The following KLHDC10 variants were observed in gnomAD, a reference collection of about 807,000 sequenced individuals.
KLHDC10 encodes kelch domain-containing protein 10.
KLHDC10 carries 24 observed loss-of-function variants against 56.1 expected under a neutral mutation model. The observed-to-expected ratio is 0.43, with a 90% CI of 0.31 to 0.60. The LOEUF is 0.60. Among genes scored for constraint, KLHDC10 ranks in the 20% least tolerant of loss-of-function variants. The pLI is 0.11. For synonymous variants in KLHDC10, 188 were observed against 207.1 expected (o/e 0.91, Z 0.79); for missense variants, 349 against 567.0 (o/e 0.62, Z 3.91).
intron 1 of KLHDC10, 151 bp from the exon 2 acceptor site, chr7:130,096,770 A>C: frequency 2.0e-6 from 1 of 491,976 alleles, no homozygotes; most frequent in South Asian, 5.1e-5. Context: ...TTGACTTCCA[A>C]AACAGGGTTA....
At chr7:130,081,004 T>C (rs1795597093) in intron 1 of KLHDC10, among the ~76,000 whole-genome samples, 1 of 148,004 alleles carries the variant, frequency 6.8e-6, no homozygotes, top group Non-Finnish European at 1.5e-5. Flanking sequence ...GTTTTCTTTT[T>C]TTTTTTTTTT....
In KLHDC10 at chr7:130,121,210, AC is replaced by A. The variant is rs1796244235; in HGVS notation, c.630+313del. 1.3e-5 allele frequency among the ~76,000 whole-genome samples: 2 copies of A among 149,580 alleles called. 1 individual carries two copies. Among genetic ancestry groups the A allele is most frequent in the South Asian group, 4.3e-4 (2 of 4,690 alleles). Reference sequence around the variant, plus strand: ...GAACCCCACCTCCACCTCTACCCTCACCCCCCGTGAGAGATTGGGCTTCACT... The same window carrying A: ...GAACCCCACCTCCACCTCTACCCTCACCCCCGTGAGAGATTGGGCTTCACT... On this transcript the variant is annotated intron_variant, in intron 4 of 9. Coordinates refer to ENST00000335420, the MANE Select transcript of KLHDC10 (RefSeq NM_014997.4).
At chr7:130,125,178 A>G (rs933727072) in intron 6 of KLHDC10, among the ~76,000 whole-genome samples, 7 of 152,240 alleles carry the variant, frequency 4.6e-5, no homozygotes, top group Non-Finnish European at 1.0e-4. Context: ...AACAACATAT[A>G]GAAGAAAATC....
intron 6 of KLHDC10, among the ~76,000 whole-genome samples, 185 bp from the exon 7 acceptor site, chr7:130,125,680 T>C (rs1796306387): frequency 6.6e-6 from 1 of 152,236 alleles, no homozygotes; most frequent in Non-Finnish European, 1.5e-5. Flanking sequence ...AATATATGTT[T>C]ACGCAGGCTG....
At chr7:130,074,878 G>C (rs1483385150) in intron 1 of KLHDC10, among the ~76,000 whole-genome samples, 2 of 152,080 alleles carry the variant, frequency 1.3e-5, no homozygotes, top group South Asian at 2.1e-4. Flanking sequence ...TAAAGTGTTG[G>C]GATTACAGGC....
chr7:130,126,099 T>C (rs1373718469), intron 7 of KLHDC10, among the ~76,000 whole-genome samples, 168 bp downstream of exon 7: 1 of 151,680 alleles, frequency 6.6e-6, no homozygotes, highest in Non-Finnish European at 1.5e-5. Flanking sequence ...GGCCAAGGCT[T>C]GAGCCCAGGA....
intron 2 of KLHDC10, among the ~76,000 whole-genome samples, chr7:130,103,575 C>T (rs1423622352): frequency 3.9e-5 from 6 of 152,128 alleles, no homozygotes; most frequent in South Asian, 2.1e-4. Flanking sequence ...AAACAAGTTA[C>T]ATAGACTCAA....
chr7:130,112,834 A>G (rs1185879672), intron 2 of KLHDC10, among the ~76,000 whole-genome samples: 1 of 152,192 alleles, frequency 6.6e-6, no homozygotes, highest in Non-Finnish European at 1.5e-5. Context: ...AATATTTATC[A>G]AATATTGATT....
intron 1 of KLHDC10, among the ~76,000 whole-genome samples, chr7:130,081,553 A>G (rs1379483293): frequency 6.9e-6 from 1 of 144,860 alleles, no homozygotes; most frequent in African/African-American, 2.6e-5. Flanking sequence ...TCCTGAGCTC[A>G]GGCAGTCCAC....
chr7:130,101,969 TAAAAAAAAAAAAA>T (rs10579051), intron 2 of KLHDC10, among the ~76,000 whole-genome samples: 3 of 73,728 alleles, frequency 4.1e-5, no homozygotes, highest in Admixed American at 3.8e-4. Flanking sequence ...GACTCCCTCT[TAAAAAAAAAAAAA>T]AAAAAAAAAA....
rs184228231 is a variant in KLHDC10, at chr7:130,080,230, C to G, written c.166+9421C>G. Among the ~76,000 whole-genome samples, 65 of 152,314 alleles carry G rather than the reference C, an allele frequency of 4.3e-4. No homozygotes were observed. The East Asian group carries it at 0.012, about 29-fold the overall frequency. ...GTACTAGGATTACAGGCATGAGCCA[C>G]TGTGCCTGGCCCTTCCTTTCTTTTT... On this transcript the variant is annotated intron_variant, in intron 1 of 9. Transcript: ENST00000335420.
chr7:130,071,193 TAAG>T (rs1795404239), intron 1 of KLHDC10, among the ~76,000 whole-genome samples: 1 of 152,114 alleles, frequency 6.6e-6, no homozygotes, highest in Non-Finnish European at 1.5e-5. Flanking sequence ...GGTGCCAAGT[TAAG>T]GAGAGAAGAA....
intron 1 of KLHDC10, among the ~76,000 whole-genome samples, chr7:130,089,449 A>C (rs1223065491): frequency 6.6e-6 from 1 of 152,230 alleles, no homozygotes; most frequent in Non-Finnish European, 1.5e-5. Context: ...GCCCCGCCAA[A>C]AAAAAGAGTA....
At chr7:130,124,619 T>G (rs1796291279) in intron 6 of KLHDC10, 84 bp downstream of exon 6, 1 of 723,832 alleles carries the variant, frequency 1.4e-6, no homozygotes. Context: ...ATTCTGTTAC[T>G]TTGGATATTT....
rs745615105 is a variant in KLHDC10, at chr7:130,129,539, C to G, written c.1082C>G (p.Pro361Arg). The G allele has an allele frequency of 6.2e-7, 1 of 1,614,154 alleles. No individual in the cohort carries two copies. Among genetic ancestry groups the G allele is most frequent in the South Asian group, 1.1e-5 (1 of 91,078 alleles). Reference protein sequence around the residue: ...FQWVKLPATMPEPVYFHCAAV... With the variant: ...FQWVKLPATMREPVYFHCAAV... ...TGGGTGAAGCTCCCAGCTACCATGCCAGAGCCAGTTTATTTTCACTGTGCA... is the reference window on the plus strand; with the variant it reads ...TGGGTGAAGCTCCCAGCTACCATGCGAGAGCCAGTTTATTTTCACTGTGCA... The change falls in exon 9 of 10, where the codon CCA becomes CGA. Residue 361 changes from proline to arginine, a missense_variant. Coordinates refer to ENST00000335420, the MANE Select transcript of KLHDC10 (RefSeq NM_014997.4).
chr7:130,099,115 T>C (rs1427113873), intron 2 of KLHDC10, among the ~76,000 whole-genome samples: 1 of 152,236 alleles, frequency 6.6e-6, no homozygotes, highest in Admixed American at 6.5e-5. Context: ...TTTGGGTTGC[T>C]TTACTGTATA....
In KLHDC10 at chr7:130,086,303, C is replaced by T. The variant is rs541760993; in HGVS notation, c.167-10618C>T. On this transcript the variant is annotated intron_variant, in intron 1 of 9. Coordinates refer to ENST00000335420, the MANE Select transcript of KLHDC10 (RefSeq NM_014997.4). ...AAGCTTGTAGAACACATAAAGGTTACGCTTACTTAAAATATGTAAGTATGA... is the reference window on the plus strand; with the variant it reads ...AAGCTTGTAGAACACATAAAGGTTATGCTTACTTAAAATATGTAAGTATGA... 2.6e-5 allele frequency among the ~76,000 whole-genome samples: 4 copies of T among 152,262 alleles called. No homozygotes were observed. The South Asian group carries it at 6.2e-4, about 24-fold the overall frequency.
chr7:130,098,271 T>C (rs1795879321), intron 2 of KLHDC10, among the ~76,000 whole-genome samples: 1 of 152,130 alleles, frequency 6.6e-6, no homozygotes, highest in Non-Finnish European at 1.5e-5. Flanking sequence ...GGTGGGCAGA[T>C]TGCTTGAGCC....
At chr7:130,117,327 C>T (rs1418891501) in intron 3 of KLHDC10, among the ~76,000 whole-genome samples, 1 of 152,110 alleles carries the variant, frequency 6.6e-6, no homozygotes, top group Non-Finnish European at 1.5e-5. Context: ...CTTAAGACAG[C>T]ATTGAAGTTT....
Sources: gnomAD v4.1 joint callset for allele counts (sites outside exome capture counted in the v4.1 genomes callset) on GRCh38, gnomAD v4.1.1 for gene constraint, MANE v1.5 for transcripts, NCBI Gene and HGNC (gene_info 2026-07-23, HGNC 2026-07-21) for gene names.